The following IL1RAPL2 variants were observed in gnomAD, a reference collection of about 807,000 sequenced individuals.
IL1RAPL2 encodes X-linked interleukin-1 receptor accessory protein-like 2.
IL1RAPL2 carries 3 observed loss-of-function variants against 44.1 expected under a neutral mutation model. The ratio of observed to expected loss-of-function variants is 0.07; its 90% CI spans 0.03 to 0.18. The LOEUF is 0.18. Among genes scored for constraint, IL1RAPL2 ranks in the 10% least tolerant of loss-of-function variants. The pLI, the probability that IL1RAPL2 is intolerant of heterozygous loss-of-function variation, is 1.00. For synonymous variants in IL1RAPL2, 181 were observed against 178.8 expected (o/e 1.01, Z -0.10); for missense variants, 391 against 496.4 (o/e 0.79, Z 2.02).
intron 2 of IL1RAPL2, among the ~76,000 whole-genome samples, chrX:104,675,294 T>C (rs914754797): frequency 9.0e-6 from 1 of 111,702 alleles, no homozygotes; most frequent in Non-Finnish European, 1.9e-5. Context: ...TTCTGGTATG[T>C]TGTGTCTTTG....
chrX:104,629,858 G>C (rs1315583777), intron 1 of IL1RAPL2, among the ~76,000 whole-genome samples: 14 of 111,763 alleles, frequency 1.3e-4, no homozygotes, highest in African/African-American at 4.5e-4. Flanking sequence ...TTTACTTCTG[G>C]GTTCTGTATT....
At chrX:104,763,406 A>G (rs1011264323) in intron 2 of IL1RAPL2, among the ~76,000 whole-genome samples, 1 of 112,059 alleles carries the variant, frequency 8.9e-6, no homozygotes, top group Non-Finnish European at 1.9e-5. Flanking sequence ...AGGAAGTTCA[A>G]ACTTTCCCAC....
chrX:104,657,735 C>T (rs758907801), intron 1 of IL1RAPL2, among the ~76,000 whole-genome samples: 46 of 111,076 alleles, frequency 4.1e-4, no homozygotes, highest in Non-Finnish European at 7.6e-4. Context: ...TAACAAAGGG[C>T]TAATGTCCAG....
chrX:104,836,852 A>T (rs1969964273), intron 2 of IL1RAPL2, among the ~76,000 whole-genome samples: 2 of 110,817 alleles, frequency 1.8e-5, no homozygotes, highest in South Asian at 7.7e-4. Flanking sequence ...TAAGCCCCAC[A>T]TGCATTAGGT....
At chrX:104,752,658 A>G (rs2147584562) in intron 2 of IL1RAPL2, among the ~76,000 whole-genome samples, 1 of 110,680 alleles carries the variant, frequency 9.0e-6, no homozygotes, top group Non-Finnish European at 1.9e-5. Flanking sequence ...GGCCTTTGTT[A>G]GGTATACTAT....
intron 10 of IL1RAPL2, among the ~76,000 whole-genome samples, chrX:105,757,438 G>A (rs768587048): frequency 1.8e-5 from 2 of 111,740 alleles, no homozygotes; most frequent in South Asian, 7.5e-4. Context: ...AACTCCATGA[G>A]GACAGGGATT....
intron 5 of IL1RAPL2, among the ~76,000 whole-genome samples, chrX:105,347,551 TTCC>T: frequency 1.2e-5 from 1 of 85,090 alleles, no homozygotes. Flanking sequence ...CTTCCCTCTC[TTCC>T]TCCATCATCA....
rs189910258 is a variant in IL1RAPL2 at position 105,707,286 on chromosome X, C to T, written c.773-10081C>T. Among the ~76,000 whole-genome samples, 6 of 111,628 alleles carry T rather than the reference C, an allele frequency of 5.4e-5. No individual in the cohort carries two copies. In the East Asian group the frequency reaches 1.1e-3, roughly 21 times the overall value. On this transcript the variant is annotated intron_variant, in intron 6 of 10. Transcript: ENST00000372582. ...AAAGGGAAAACTTGAACTTCAAGGC[C>T]ATTATTTATTATTTGTACCCTGGTT...
intron 2 of IL1RAPL2, among the ~76,000 whole-genome samples, chrX:105,074,092 T>A (rs1258758720): frequency 9.0e-6 from 1 of 111,700 alleles, no homozygotes; most frequent in Non-Finnish European, 1.9e-5. Context: ...TTGCTTTTGG[T>A]GTTTTAGACA....
At chrX:105,030,728 G>A (rs955559115) in intron 2 of IL1RAPL2, among the ~76,000 whole-genome samples, 3 of 111,526 alleles carry the variant, frequency 2.7e-5, no homozygotes, top group African/African-American at 9.8e-5. Context: ...TGGAAATGTG[G>A]GCTCTTTTTT....
At chrX:105,123,443 A>T (rs978073729) in intron 2 of IL1RAPL2, among the ~76,000 whole-genome samples, 1 of 110,859 alleles carries the variant, frequency 9.0e-6, no homozygotes, top group African/African-American at 3.3e-5. Flanking sequence ...CATCCCTTTA[A>T]CCCAACCAGT....
intron 2 of IL1RAPL2, among the ~76,000 whole-genome samples, chrX:104,862,944 C>G (rs189166653): frequency 4.5e-5 from 5 of 111,167 alleles, no homozygotes; most frequent in African/African-American, 1.6e-4. Flanking sequence ...TGACTAGAAA[C>G]AGGAAGACCA....
intron 6 of IL1RAPL2, among the ~76,000 whole-genome samples, chrX:105,667,720 A>G (rs922572751): frequency 1.8e-5 from 2 of 111,660 alleles, no homozygotes; most frequent in Admixed American, 9.6e-5. Flanking sequence ...GTAAAAATAA[A>G]TCGTTTACTC....
At chrX:104,568,140 A>G (rs1458592286) in intron 1 of IL1RAPL2, among the ~76,000 whole-genome samples, 1 of 110,884 alleles carries the variant, frequency 9.0e-6, no homozygotes, top group Non-Finnish European at 1.9e-5. Context: ...CCGAATGAGG[A>G]AGCGGGACCT....
chrX:105,531,046 T>C (rs1009126458), intron 6 of IL1RAPL2, among the ~76,000 whole-genome samples: 1 of 111,623 alleles, frequency 9.0e-6, no homozygotes, highest in Non-Finnish European at 1.9e-5. Flanking sequence ...AGCACGGGAG[T>C]GCAGATATCT....
intron 2 of IL1RAPL2, among the ~76,000 whole-genome samples, chrX:104,790,303 T>C (rs1932818778): frequency 9.0e-6 from 1 of 111,528 alleles, no homozygotes; most frequent in Admixed American, 9.5e-5. Context: ...AGTATTCATC[T>C]GCATGGCTGT....
At chrX:105,626,341 G>T (rs2147833245) in intron 6 of IL1RAPL2, among the ~76,000 whole-genome samples, 1 of 111,267 alleles carries the variant, frequency 9.0e-6, no homozygotes, top group Non-Finnish European at 1.9e-5. Flanking sequence ...TTAATGAGTT[G>T]GAAGAAGGTC....
At chrX:105,627,265 A>G (rs1198335504) in intron 6 of IL1RAPL2, among the ~76,000 whole-genome samples, 1 of 111,279 alleles carries the variant, frequency 9.0e-6, no homozygotes, top group Non-Finnish European at 1.9e-5. Flanking sequence ...TCCTTCTTTT[A>G]TTATGATTAT....
At chrX:105,710,140 A>G in intron 6 of IL1RAPL2, among the ~76,000 whole-genome samples, 1 of 111,440 alleles carries the variant, frequency 9.0e-6, no homozygotes. Flanking sequence ...TCCCCAAGAA[A>G]CATTACCTGG....
Sources: gnomAD v4.1 joint callset for allele counts (sites outside exome capture counted in the v4.1 genomes callset) on GRCh38, gnomAD v4.1.1 for gene constraint, MANE v1.5 for transcripts, NCBI Gene and HGNC (gene_info 2026-07-23, HGNC 2026-07-21) for gene names.